Variants in CLSTN2 observed in about 807,000 individuals in gnomAD.
CLSTN2 encodes calsyntenin-2.
CLSTN2 carries 48 observed loss-of-function variants against 101.2 expected under a neutral mutation model. The ratio of observed to expected loss-of-function variants is 0.47; its 90% confidence interval spans 0.38 to 0.60. The LOEUF (loss-of-function observed/expected upper bound fraction) is 0.60, where lower values mean the gene tolerates loss of function less well. CLSTN2 is among the 20% of genes least tolerant of loss of function. The probability of loss-of-function intolerance (pLI) is 0.00; values close to 1 mark genes in which losing one functional copy is unlikely to be tolerated. For missense variants in CLSTN2, 1,160 were observed against 1,238.2 expected (o/e 0.94, Z 0.95); for synonymous variants, 481 against 463.6 (o/e 1.04, Z -0.48).
At chr3:140,029,111 G>T (rs2007492887) in intron 1 of CLSTN2, among the ~76,000 whole-genome samples, 1 of 152,120 alleles carries the variant, frequency 6.6e-6, no homozygotes, top group Non-Finnish European at 1.5e-5. Context: ...ATGCTGATGT[G>T]CCTTCTTAAA....
At position 140,566,393 on chromosome 3, in the gene CLSTN2, T is replaced by A; in HGVS notation, c.*140T>A. 1 of 829,518 alleles carries A rather than the reference T, an allele frequency of 1.2e-6. No individual in the cohort carries two copies. Among genetic ancestry groups the A allele is most frequent in the Non-Finnish European group, 1.9e-6 (1 of 518,978 alleles). The allele number at this position is 829,518 out of a possible 1,614,324, so 51.4% of individuals were successfully genotyped here. On this transcript the variant is annotated 3_prime_UTR_variant, in exon 17 of 17. Transcript: ENST00000458420. ...CTCCAGCTTCCTGGAGCCCACCCTT[T>A]AAGCCTTGGGCACTCCCTGTGTTTC... is the stretch of plus-strand genomic sequence containing the variant.
chr3:140,521,888 G>A (rs1935033247), intron 8 of CLSTN2, among the ~76,000 whole-genome samples: 1 of 152,186 alleles, frequency 6.6e-6, no homozygotes, highest in South Asian at 2.1e-4. Context: ...GACACTGCTT[G>A]GCTCCCTGGA....
intron 1 of CLSTN2, among the ~76,000 whole-genome samples, chr3:139,984,471 GATT>G (rs1457097429): frequency 6.6e-6 from 1 of 152,080 alleles, no homozygotes; most frequent in Non-Finnish European, 1.5e-5. Context: ...CTGCTCCAAG[GATT>G]CTTCTTCATT....
intron 2 of CLSTN2, among the ~76,000 whole-genome samples, chr3:140,322,275 C>T (rs2087291204): frequency 1.3e-5 from 2 of 152,210 alleles, no homozygotes; most frequent in Non-Finnish European, 2.9e-5. Context: ...GAAACCAACA[C>T]AGAGTTATTT....
intron 2 of CLSTN2, among the ~76,000 whole-genome samples, chr3:140,185,728 C>A (rs918031752): frequency 6.6e-6 from 1 of 152,230 alleles, no homozygotes; most frequent in East Asian, 1.9e-4. Flanking sequence ...GCAACTGTTG[C>A]AGGTGAAGCT....
intron 2 of CLSTN2, among the ~76,000 whole-genome samples, chr3:140,201,123 G>C (rs929959744): frequency 1.3e-5 from 2 of 152,208 alleles, no homozygotes; most frequent in African/African-American, 4.8e-5. Context: ...GCCTTCAAAA[G>C]TTTTATTCAG....
At position 140,130,730 on chromosome 3, in the gene CLSTN2, T is replaced by G. The variant is rs149992515; in HGVS notation, c.110-45221T>G. ...GCTCCTGACCCAGCCTGAAGGGTCCTGGAGGCCTTCTCAGGGGAAGAAAGA... is the reference window on the plus strand; with the variant it reads ...GCTCCTGACCCAGCCTGAAGGGTCCGGGAGGCCTTCTCAGGGGAAGAAAGA... On this transcript the variant is annotated intron_variant, in intron 1 of 16. Coordinates refer to ENST00000458420, the MANE Select transcript of CLSTN2 (RefSeq NM_022131.3). Among the ~76,000 whole-genome samples, 45 of 152,264 alleles carry G rather than the reference T, an allele frequency of 3.0e-4. No homozygotes were observed. The East Asian group carries it at 6.0e-3, about 20-fold the overall frequency.
intron 2 of CLSTN2, among the ~76,000 whole-genome samples, chr3:140,329,960 C>T (rs1345942677): frequency 6.6e-6 from 1 of 152,234 alleles, no homozygotes; most frequent in Non-Finnish European, 1.5e-5. Context: ...CAGCCTGGCC[C>T]CTGAGAACTG....
chr3:140,195,108 A>AC (rs2010625723), intron 2 of CLSTN2, among the ~76,000 whole-genome samples: 1 of 152,202 alleles, frequency 6.6e-6, no homozygotes, highest in Admixed American at 6.5e-5. Flanking sequence ...GTGGATGTCT[A>AC]GGCTTTCTAC....
intron 1 of CLSTN2, among the ~76,000 whole-genome samples, chr3:140,013,832 C>T (rs2007139718): frequency 6.6e-6 from 1 of 152,290 alleles, no homozygotes; most frequent in Non-Finnish European, 1.5e-5. Flanking sequence ...CAGCCTCCAC[C>T]TCTTGAATGC....
chr3:140,475,529 A>G (rs547233792), intron 8 of CLSTN2, among the ~76,000 whole-genome samples: 1 of 152,192 alleles, frequency 6.6e-6, no homozygotes, highest in Admixed American at 6.5e-5. Flanking sequence ...AAGAATCCAC[A>G]CTCTCAGTGA....
At chr3:140,535,235 T>C (rs1935334886) in intron 9 of CLSTN2, among the ~76,000 whole-genome samples, 1 of 152,224 alleles carries the variant, frequency 6.6e-6, no homozygotes, top group African/African-American at 2.4e-5. Context: ...CTTTGGTCCA[T>C]AGCAATTCTG....
intron 7 of CLSTN2, among the ~76,000 whole-genome samples, chr3:140,466,040 A>C (rs892977108): frequency 1.3e-5 from 2 of 152,192 alleles, no homozygotes; most frequent in Admixed American, 6.5e-5. Flanking sequence ...GGGATGTTGG[A>C]GTCACAAAAC....
intron 1 of CLSTN2, among the ~76,000 whole-genome samples, chr3:140,172,443 T>C (rs2010253860): frequency 6.6e-6 from 1 of 152,068 alleles, no homozygotes; most frequent in African/African-American, 2.4e-5. Context: ...GGGGAAGGAT[T>C]TGGCAAGAAC....
intron 8 of CLSTN2, among the ~76,000 whole-genome samples, chr3:140,474,593 TC>T (rs1933936194): frequency 6.6e-6 from 1 of 152,280 alleles, no homozygotes; most frequent in Admixed American, 6.5e-5. Flanking sequence ...ATTCATGAAA[TC>T]CTCTTTCTCT....
At chr3:140,419,494 A>T (rs185203093) in intron 4 of CLSTN2, among the ~76,000 whole-genome samples, 1,603 of 54,978 alleles carry the variant, frequency 0.029, 414 homozygotes, top group Non-Finnish European at 0.035. Flanking sequence ...AAAAAAAAAA[A>T]ATATATATAT....
chr3:140,167,587 T>C (rs888047921), intron 1 of CLSTN2, among the ~76,000 whole-genome samples: 1 of 152,180 alleles, frequency 6.6e-6, no homozygotes, highest in Non-Finnish European at 1.5e-5. Context: ...TCTTTTTAAG[T>C]GTGAAGTTGG....
At chr3:140,531,778 C>G (rs1162945521) in intron 8 of CLSTN2, among the ~76,000 whole-genome samples, 1 of 152,150 alleles carries the variant, frequency 6.6e-6, no homozygotes, top group Non-Finnish European at 1.5e-5. Flanking sequence ...CTTCTAGCCC[C>G]CCTGCATCTC....
At chr3:140,037,142 AT>A (rs948339346) in intron 1 of CLSTN2, among the ~76,000 whole-genome samples, 5 of 152,112 alleles carry the variant, frequency 3.3e-5, no homozygotes, top group African/African-American at 7.2e-5. Flanking sequence ...CTTCTTAATT[AT>A]TGTTTTCAAA....
Sources: allele counts gnomAD v4.1 joint callset (sites outside exome capture counted in the v4.1 genomes callset), GRCh38; gene constraint gnomAD v4.1.1; transcripts MANE v1.5; gene names NCBI Gene and HGNC (gene_info 2026-07-23, HGNC 2026-07-21).